The following TNFSF4 variants were observed in gnomAD, a reference collection of about 807,000 sequenced individuals.
TNFSF4 encodes the protein TNF superfamily member 4, also known as tumor necrosis factor ligand superfamily member 4.
In TNFSF4, 4 loss-of-function variants were observed where a neutral mutation model predicts 7.3. That is an observed-to-expected ratio of 0.55 (90% CI 0.27 to 1.25). TNFSF4 has a LOEUF of 1.25. Ranked by LOEUF, TNFSF4 falls within the 50% of genes most tolerant of loss-of-function variation. The pLI, the probability that TNFSF4 is intolerant of heterozygous loss-of-function variation, is 0.12. For missense variants in TNFSF4, 181 were observed against 208.8 expected (o/e 0.87, Z 0.82); for synonymous variants, 76 against 83.7 (o/e 0.91, Z 0.50).
chr1:173,302,071 G>T, the TNFSF4 span, among the ~76,000 whole-genome samples: 10 of 151,868 alleles, frequency 6.6e-5, no homozygotes, highest in Non-Finnish European at 1.5e-4. Flanking sequence ...GCCTTTAATA[G>T]TCTGGAAGCC....
the TNFSF4 span, among the ~76,000 whole-genome samples, chr1:173,412,195 G>A: frequency 6.6e-6 from 1 of 151,226 alleles, no homozygotes; most frequent in Non-Finnish European, 1.5e-5. Context: ...CACTTGGCCT[G>A]CCTCTGATTT....
At chr1:173,276,793 G>A in the TNFSF4 span, among the ~76,000 whole-genome samples, 166 of 152,304 alleles carry the variant, frequency 1.1e-3, no homozygotes, top group Middle Eastern at 6.8e-3. Flanking sequence ...GGGAGAACTT[G>A]CCTGTGTCTG....
chr1:173,336,977 G>A, the TNFSF4 span, among the ~76,000 whole-genome samples: 1 of 152,012 alleles, frequency 6.6e-6, no homozygotes, highest in South Asian at 2.1e-4. Flanking sequence ...TTTACCAAGT[G>A]ACTTAAAAAG....
chr1:173,376,649 G>A, the TNFSF4 span, among the ~76,000 whole-genome samples: 1 of 152,276 alleles, frequency 6.6e-6, no homozygotes, highest in African/African-American at 2.4e-5. Context: ...TCAGCACTCT[G>A]TAAAACAGAC....
At chr1:173,420,517 T>C in the TNFSF4 span, among the ~76,000 whole-genome samples, 1 of 151,270 alleles carries the variant, frequency 6.6e-6, no homozygotes, top group South Asian at 2.1e-4. Flanking sequence ...AGTTAAAGAA[T>C]ATGGCCACCA....
At chr1:173,223,467 G>C in the TNFSF4 span, among the ~76,000 whole-genome samples, 1 of 151,796 alleles carries the variant, frequency 6.6e-6, no homozygotes, top group African/African-American at 2.4e-5. Flanking sequence ...AAAAAAATAA[G>C]CTAAAGAAAA....
the TNFSF4 span, among the ~76,000 whole-genome samples, chr1:173,426,610 C>T: frequency 6.6e-6 from 1 of 151,892 alleles, no homozygotes; most frequent in Admixed American, 6.6e-5. Context: ...TTTTATTTTA[C>T]TTTGAGACAG....
At chr1:173,432,129 C>A in the TNFSF4 span, among the ~76,000 whole-genome samples, 2 of 152,176 alleles carry the variant, frequency 1.3e-5, no homozygotes, top group East Asian at 3.8e-4. Context: ...AAGCAAGACA[C>A]ATCACTTCCT....
chr1:173,181,213 T>C (rs1649050639), downstream of TNFSF4, among the ~76,000 whole-genome samples: 1 of 152,216 alleles, frequency 6.6e-6, no homozygotes, highest in South Asian at 2.1e-4. Context: ...AAATGACCTT[T>C]AGAGATTACC....
the TNFSF4 span, among the ~76,000 whole-genome samples, chr1:173,447,453 A>C: frequency 6.6e-6 from 1 of 152,178 alleles, no homozygotes; most frequent in East Asian, 1.9e-4. Context: ...CTGGTACCAG[A>C]TGTTGACAGT....
the TNFSF4 span, among the ~76,000 whole-genome samples, chr1:173,432,577 C>T: frequency 6.6e-6 from 1 of 152,120 alleles, no homozygotes; most frequent in Non-Finnish European, 1.5e-5. Flanking sequence ...GACTTCTAGA[C>T]TCTAGAACTG....
At chr1:173,396,968 G>A in the TNFSF4 span, among the ~76,000 whole-genome samples, 2 of 152,210 alleles carry the variant, frequency 1.3e-5, no homozygotes, top group African/African-American at 2.4e-5. Flanking sequence ...TGCAGTGAGA[G>A]TAATTGGATC....
the TNFSF4 span, among the ~76,000 whole-genome samples, chr1:173,431,453 CTGCTGGGGG>C: frequency 6.6e-6 from 1 of 152,218 alleles, no homozygotes; most frequent in East Asian, 1.9e-4. Context: ...GCCTTGGGCC[CTGCTGGGGG>C]CCCAAAATCA....
At chr1:173,371,320 G>GT in the TNFSF4 span, among the ~76,000 whole-genome samples, 1 of 152,198 alleles carries the variant, frequency 6.6e-6, no homozygotes, top group Admixed American at 6.5e-5. Flanking sequence ...TGTTATGCCT[G>GT]TAAGTCCCAC....
At chr1:173,350,813 T>C in the TNFSF4 span, among the ~76,000 whole-genome samples, 1 of 152,182 alleles carries the variant, frequency 6.6e-6, no homozygotes, top group Admixed American at 6.5e-5. Context: ...ACACGTTACT[T>C]CTACTAATGA....
At chr1:173,432,345 G>C in the TNFSF4 span, among the ~76,000 whole-genome samples, 1 of 152,114 alleles carries the variant, frequency 6.6e-6, no homozygotes, top group Non-Finnish European at 1.5e-5. Flanking sequence ...AATCCCCAAT[G>C]TATTTGTATT....
At chr1:173,410,014 C>T in the TNFSF4 span, among the ~76,000 whole-genome samples, 2 of 152,100 alleles carry the variant, frequency 1.3e-5, no homozygotes, top group South Asian at 4.2e-4. Context: ...CCTACAATCC[C>T]AGCAATTTGG....
the TNFSF4 span, among the ~76,000 whole-genome samples, chr1:173,292,990 G>A: frequency 6.6e-6 from 1 of 152,054 alleles, no homozygotes; most frequent in Non-Finnish European, 1.5e-5. Context: ...AGAAATCTGA[G>A]GTGACAAAAA....
At chr1:173,328,595 A>G in the TNFSF4 span, among the ~76,000 whole-genome samples, 1 of 151,444 alleles carries the variant, frequency 6.6e-6, no homozygotes, top group Non-Finnish European at 1.5e-5. Flanking sequence ...TGATGGGTTG[A>G]TAGGTGCAGC....
Sources: gnomAD v4.1 joint callset for allele counts (sites outside exome capture counted in the v4.1 genomes callset) on GRCh38, gnomAD v4.1.1 for gene constraint, MANE v1.5 for transcripts, NCBI Gene and HGNC (gene_info 2026-07-23, HGNC 2026-07-21) for gene names.